ENTREP2: variants seen among roughly 807,000 people sequenced by gnomAD.
ENTREP2 encodes the protein endosomal transmembrane epsin interactor 2, also known as protein ENTREP2.
chr15:29,123,623 G>C, the ENTREP2 span: 1 of 1,550,766 alleles, frequency 6.4e-7, no homozygotes, highest in Non-Finnish European at 8.7e-7. Context: ...AGCTGGGCCC[G>C]ACAGGCAGCC....
At chr15:29,357,771 G>A in the ENTREP2 span, among the ~76,000 whole-genome samples, 8 of 152,028 alleles carry the variant, frequency 5.3e-5, no homozygotes, top group East Asian at 3.9e-4. Context: ...CCCGGGAGGC[G>A]GAGCTTGCAG....
At chr15:29,258,229 A>G in the ENTREP2 span, among the ~76,000 whole-genome samples, 1 of 149,968 alleles carries the variant, frequency 6.7e-6, no homozygotes, top group Non-Finnish European at 1.5e-5. Context: ...AAAAAAAAAA[A>G]AAAAGAAAGA....
chr15:29,229,451 T>G, the ENTREP2 span, among the ~76,000 whole-genome samples: 2 of 152,208 alleles, frequency 1.3e-5, no homozygotes, highest in African/African-American at 4.8e-5. Flanking sequence ...TTAATTGAGC[T>G]TATGGAAAGA....
chr15:29,608,904 C>T, the ENTREP2 span, among the ~76,000 whole-genome samples: 1 of 152,210 alleles, frequency 6.6e-6, no homozygotes, highest in South Asian at 2.1e-4. Context: ...TGAACTACCT[C>T]GCACTAGAGA....
the ENTREP2 span, among the ~76,000 whole-genome samples, chr15:29,320,333 A>G: frequency 0.061 from 9,309 of 152,192 alleles, 910 homozygotes; most frequent in African/African-American, 0.21. Context: ...AAAACAAGAG[A>G]AATAGGTGAA....
chr15:29,266,267 C>T, the ENTREP2 span: 4 of 152,292 alleles, frequency 2.6e-5, no homozygotes, highest in African/African-American at 9.6e-5. Context: ...ACCAGAATGG[C>T]TGAAAAGATA....
chr15:29,444,154 CAGAAAGAAAGACAGACAAAGAAAGAAAG>C, the ENTREP2 span, among the ~76,000 whole-genome samples: 51 of 54,732 alleles, frequency 9.3e-4, no homozygotes, highest in African/African-American at 2.3e-3. Flanking sequence ...GAAAGACAGA[CAGAAAGAAAGACAGACAAAGAAAGAAAG>C]AAAGAAAGAA....
At chr15:29,654,433 T>C in the ENTREP2 span, among the ~76,000 whole-genome samples, 21 of 152,022 alleles carry the variant, frequency 1.4e-4, no homozygotes, top group African/African-American at 5.1e-4. Context: ...AAGTAGAACA[T>C]ACGCTTTGAC....
chr15:29,469,015 T>C, the ENTREP2 span, among the ~76,000 whole-genome samples: 1 of 152,122 alleles, frequency 6.6e-6, no homozygotes, highest in Non-Finnish European at 1.5e-5. Flanking sequence ...TCCCTAGGGC[T>C]CCGGCTTAGG....
At chr15:29,226,680 C>A in the ENTREP2 span, among the ~76,000 whole-genome samples, 2 of 152,122 alleles carry the variant, frequency 1.3e-5, no homozygotes, top group South Asian at 4.1e-4. Context: ...TTCCGAGGAC[C>A]CTGGCGACAT....
At chr15:29,459,372 A>G in the ENTREP2 span, among the ~76,000 whole-genome samples, 1 of 152,182 alleles carries the variant, frequency 6.6e-6, no homozygotes, top group East Asian at 1.9e-4. Flanking sequence ...TCCTGGGAGG[A>G]GAGATGAGTC....
At chr15:29,184,110 G>C in the ENTREP2 span, among the ~76,000 whole-genome samples, 3 of 152,076 alleles carry the variant, frequency 2.0e-5, no homozygotes, top group Non-Finnish European at 4.4e-5. Context: ...TCAGCCTCCT[G>C]AGTAGCTGGA....
At chr15:29,428,655 T>C in the ENTREP2 span, among the ~76,000 whole-genome samples, 1 of 152,156 alleles carries the variant, frequency 6.6e-6, no homozygotes, top group South Asian at 2.1e-4. Flanking sequence ...CATGCCCAAA[T>C]TCCAAATGTG....
At chr15:29,159,037 G>A in the ENTREP2 span, among the ~76,000 whole-genome samples, 7 of 152,310 alleles carry the variant, frequency 4.6e-5, no homozygotes, top group East Asian at 9.7e-4. Context: ...TCAGGACATT[G>A]AGCGGGTCGT....
the ENTREP2 span, among the ~76,000 whole-genome samples, chr15:29,410,129 G>C: frequency 2.0e-5 from 3 of 152,124 alleles, no homozygotes; most frequent in Non-Finnish European, 4.4e-5. Context: ...CTCTTTGTTT[G>C]TATGTTTGCT....
chr15:29,369,599 A>C, the ENTREP2 span, among the ~76,000 whole-genome samples: 18 of 104,656 alleles, frequency 1.7e-4, no homozygotes, highest in African/African-American at 6.1e-4. Flanking sequence ...TTAAACACAC[A>C]CACACACACA....
At chr15:29,273,418 G>A in the ENTREP2 span, among the ~76,000 whole-genome samples, 8 of 151,862 alleles carry the variant, frequency 5.3e-5, no homozygotes, top group Non-Finnish European at 1.2e-4. Context: ...GGCTGGTCTC[G>A]AACTCCTGAC....
At chr15:29,183,770 G>A in the ENTREP2 span, among the ~76,000 whole-genome samples, 1 of 152,194 alleles carries the variant, frequency 6.6e-6, no homozygotes, top group Non-Finnish European at 1.5e-5. Context: ...CCTCAGGATA[G>A]TGGCTGCTTC....
chr15:29,313,787 G>C, the ENTREP2 span, among the ~76,000 whole-genome samples: 2 of 152,310 alleles, frequency 1.3e-5, no homozygotes, highest in South Asian at 2.1e-4. Flanking sequence ...CACAAAGCTA[G>C]AGATGCCATA....
Sources: allele counts gnomAD v4.1 joint callset (sites outside exome capture counted in the v4.1 genomes callset), GRCh38; gene constraint gnomAD v4.1.1; transcripts MANE v1.5; gene names NCBI Gene and HGNC (gene_info 2026-07-23, HGNC 2026-07-21).